Variants in ALK observed in about 807,000 individuals in gnomAD.
ALK encodes the protein ALK receptor tyrosine kinase.
Under a neutral mutation model 163.1 loss-of-function variants are expected in ALK, and 74 were observed. The ratio of observed to expected loss-of-function variants is 0.45; its 90% confidence interval spans 0.38 to 0.55. The LOEUF is 0.55. ALK is among the 20% of genes least tolerant of loss of function. The pLI is 0.00. For synonymous variants in ALK, 960 were observed against 843.2 expected (o/e 1.14, Z -2.40); for missense variants, 2,063 against 2,105.3 (o/e 0.98, Z 0.39).
At chr2:29,827,750 T>A (rs896574896) in intron 1 of ALK, among the ~76,000 whole-genome samples, 1 of 152,126 alleles carries the variant, frequency 6.6e-6, no homozygotes, top group African/African-American at 2.4e-5. Flanking sequence ...CCCAAGGTAA[T>A]CTATAGATTC....
chr2:29,290,448 C>A lies in ALK; in HGVS notation c.1817+6440G>T, dbSNP rs1467564994. ...TGTCTGCTCCTCCTCATAGGCATCC[C>A]TTTTTCCTGAGGTGGAGTTAGAGGC... On this transcript the variant is annotated intron_variant, in intron 9 of 28. Coordinates refer to ENST00000389048, the MANE Select transcript of ALK (RefSeq NM_004304.5). 2.0e-5 allele frequency among the ~76,000 whole-genome samples: 3 copies of A among 152,192 alleles called. No homozygotes were observed. The East Asian group carries it at 5.8e-4, about 29-fold the overall frequency.
chr2:29,626,800 G>A (rs1236787703), intron 3 of ALK, among the ~76,000 whole-genome samples: 1 of 152,140 alleles, frequency 6.6e-6, no homozygotes, highest in Non-Finnish European at 1.5e-5. Context: ...ACCAACCTAT[G>A]GTATTTTGTC....
At chr2:29,838,723 C>G (rs1287002006) in intron 1 of ALK, among the ~76,000 whole-genome samples, 1 of 152,090 alleles carries the variant, frequency 6.6e-6, no homozygotes, top group Non-Finnish European at 1.5e-5. Flanking sequence ...ACAAAAGGAA[C>G]CTGTGGGTGA....
At chr2:29,294,401 T>C (rs948129891) in intron 9 of ALK, among the ~76,000 whole-genome samples, 1 of 152,230 alleles carries the variant, frequency 6.6e-6, no homozygotes, top group African/African-American at 2.4e-5. Flanking sequence ...AAATTGGCCA[T>C]CCCAGACCCT....
chr2:29,883,333 T>A (rs1044693749), intron 1 of ALK, among the ~76,000 whole-genome samples: 3 of 152,196 alleles, frequency 2.0e-5, no homozygotes, highest in African/African-American at 7.2e-5. Context: ...GTTTTTCCTT[T>A]AAGTATCCTA....
intron 4 of ALK, among the ~76,000 whole-genome samples, chr2:29,525,751 A>G (rs1016728555): frequency 1.5e-5 from 2 of 137,142 alleles, no homozygotes; most frequent in Admixed American, 8.5e-5. Context: ...AGATCACGCC[A>G]CTACACTCCA....
chr2:29,809,114 C>T (rs925921570), intron 1 of ALK, among the ~76,000 whole-genome samples: 4 of 152,268 alleles, frequency 2.6e-5, no homozygotes, highest in African/African-American at 7.2e-5. Flanking sequence ...TAAACTACAT[C>T]GGAGAGCATA....
At chr2:29,308,145 A>G (rs994557049) in intron 8 of ALK, among the ~76,000 whole-genome samples, 3 of 151,802 alleles carry the variant, frequency 2.0e-5, no homozygotes, top group African/African-American at 7.3e-5. Flanking sequence ...ATTAATTTAG[A>G]GTGTGCAGCT....
chr2:29,660,031 A>G (rs983758278), intron 3 of ALK, among the ~76,000 whole-genome samples: 3 of 152,176 alleles, frequency 2.0e-5, no homozygotes, highest in Admixed American at 2.0e-4. Flanking sequence ...CTTTCGGGAC[A>G]TGAAATAAAA....
intron 4 of ALK, among the ~76,000 whole-genome samples, chr2:29,512,176 T>C (rs1434393925): frequency 6.6e-6 from 1 of 152,208 alleles, no homozygotes; most frequent in Non-Finnish European, 1.5e-5. Context: ...ATTCCAGAAA[T>C]GTTATAATAG....
intron 4 of ALK, among the ~76,000 whole-genome samples, chr2:29,472,004 A>G (rs1161375475): frequency 6.6e-6 from 1 of 152,156 alleles, no homozygotes; most frequent in Non-Finnish European, 1.5e-5. Flanking sequence ...TGGCCTCCCA[A>G]AGTGCTGGGA....
chr2:29,757,622 A>T (rs1371491352), intron 1 of ALK, among the ~76,000 whole-genome samples: 1 of 127,346 alleles, frequency 7.9e-6, no homozygotes, highest in Admixed American at 7.8e-5. Context: ...TGTGTGTGTA[A>T]TCTGCCAATG....
At chr2:29,866,375 C>T (rs1365440800) in intron 1 of ALK, among the ~76,000 whole-genome samples, 2 of 152,166 alleles carry the variant, frequency 1.3e-5, no homozygotes, top group South Asian at 2.1e-4. Context: ...TGGTGCAACT[C>T]GACACGCAAT....
At chr2:29,398,260 T>C (rs979494294) in intron 4 of ALK, among the ~76,000 whole-genome samples, 12 of 152,190 alleles carry the variant, frequency 7.9e-5, no homozygotes, top group African/African-American at 2.9e-4. Flanking sequence ...TCAGGATCAT[T>C]TGACATGGTC....
intron 1 of ALK, among the ~76,000 whole-genome samples, chr2:29,804,889 A>T (rs1664568674): frequency 6.6e-6 from 1 of 152,158 alleles, no homozygotes; most frequent in Non-Finnish European, 1.5e-5. Context: ...CTAGATGTCA[A>T]AACAACCTTG....
At chr2:29,493,816 G>A (rs551571445) in intron 4 of ALK, among the ~76,000 whole-genome samples, 107 of 152,330 alleles carry the variant, frequency 7.0e-4, no homozygotes, top group Non-Finnish European at 1.4e-3. Flanking sequence ...GGTACCATGC[G>A]AAGCCCTTAG....
intron 1 of ALK, among the ~76,000 whole-genome samples, chr2:29,796,772 T>C (rs972893824): frequency 2.0e-5 from 3 of 151,976 alleles, no homozygotes; most frequent in East Asian, 3.9e-4. Context: ...TAAAAGAAGC[T>C]CCGGTGTGGG....
At chr2:29,386,142 G>A (rs1281598379) in intron 4 of ALK, among the ~76,000 whole-genome samples, 2 of 152,214 alleles carry the variant, frequency 1.3e-5, no homozygotes, top group Non-Finnish European at 2.9e-5. Flanking sequence ...TCTCTGGCAT[G>A]CGGTGGGTGT....
At chr2:29,296,415 C>T (rs1666180011) in intron 9 of ALK, among the ~76,000 whole-genome samples, 1 of 152,210 alleles carries the variant, frequency 6.6e-6, no homozygotes, top group Non-Finnish European at 1.5e-5. Flanking sequence ...TCTGTTTCTC[C>T]CCTTATAACA....
Sources: allele counts gnomAD v4.1 joint callset (sites outside exome capture counted in the v4.1 genomes callset), GRCh38; gene constraint gnomAD v4.1.1; transcripts MANE v1.5; gene names NCBI Gene and HGNC (gene_info 2026-07-23, HGNC 2026-07-21).